EYS: variants seen among roughly 807,000 people sequenced by gnomAD.
The protein encoded by EYS is EGF-like photoreceptor maintenance factor.
Under a neutral mutation model 282.1 loss-of-function variants are expected in EYS, and 250 were observed. The observed-to-expected ratio is 0.89, with a 90% confidence interval of 0.80 to 0.98. The LOEUF (loss-of-function observed/expected upper bound fraction) is 0.98, where lower values mean the gene tolerates loss of function less well. EYS is among the 50% of genes least tolerant of loss of function. The pLI, the probability that EYS is intolerant of heterozygous loss-of-function variation, is 0.00. For synonymous variants in EYS, 1,355 were observed against 1,282.9 expected (o/e 1.06, Z -1.20); for missense variants, 4,016 against 3,709.0 (o/e 1.08, Z -2.15).
intron 39 of EYS, among the ~76,000 whole-genome samples, chr6:63,785,041 TCTAA>T (rs1334721976): frequency 1.3e-5 from 2 of 152,280 alleles, no homozygotes; most frequent in East Asian, 3.9e-4. Context: ...AATTTGCATC[TCTAA>T]CAAACTTCCC....
At chr6:64,791,052 T>C (rs1774175531) in intron 22 of EYS, among the ~76,000 whole-genome samples, 2 of 152,032 alleles carry the variant, frequency 1.3e-5, no homozygotes, top group South Asian at 4.1e-4. Flanking sequence ...TCTTTCTTCC[T>C]TCCTGTAGAT....
chr6:65,175,490 T>C (rs1467799504), intron 12 of EYS, among the ~76,000 whole-genome samples: 1 of 151,216 alleles, frequency 6.6e-6, no homozygotes, highest in Non-Finnish European at 1.5e-5. Flanking sequence ...GAAACCTTAC[T>C]GGAATAAGTG....
chr6:64,296,116 T>C (rs919920404), intron 30 of EYS, among the ~76,000 whole-genome samples: 1 of 152,174 alleles, frequency 6.6e-6, no homozygotes, highest in Admixed American at 6.5e-5. Context: ...AACTCACCTT[T>C]AACAATTTAT....
chr6:64,065,200 TTGATG>T (rs1421438654), intron 33 of EYS, among the ~76,000 whole-genome samples: 1 of 152,276 alleles, frequency 6.6e-6, no homozygotes, highest in East Asian at 1.9e-4. Flanking sequence ...GTCCATTTTG[TTGATG>T]TGATTTTCAG....
At chr6:65,676,087 C>T (rs1768576599) in intron 1 of EYS, among the ~76,000 whole-genome samples, 1 of 151,590 alleles carries the variant, frequency 6.6e-6, no homozygotes, top group South Asian at 2.1e-4. Flanking sequence ...AAAAGCAGCA[C>T]TAGGAAAGAA....
intron 1 of EYS, among the ~76,000 whole-genome samples, chr6:65,662,260 C>G (rs1768032828): frequency 6.6e-6 from 1 of 152,050 alleles, no homozygotes; most frequent in Non-Finnish European, 1.5e-5. Context: ...AGAGGTTTAT[C>G]TTCTACTCAA....
intron 28 of EYS, among the ~76,000 whole-genome samples, chr6:64,392,710 T>G: frequency 1.4e-5 from 2 of 146,062 alleles, no homozygotes; most frequent in East Asian, 2.1e-4. Flanking sequence ...ACATCACAAT[T>G]AAAATAACTA....
intron 1 of EYS, among the ~76,000 whole-genome samples, chr6:65,706,292 C>T (rs185634785): frequency 5.3e-5 from 8 of 151,496 alleles, no homozygotes; most frequent in Admixed American, 5.3e-4. Flanking sequence ...AGCAATGGTC[C>T]CTTATTTTAA....
chr6:64,271,392 T>A (rs895129163), intron 30 of EYS, among the ~76,000 whole-genome samples: 1 of 152,210 alleles, frequency 6.6e-6, no homozygotes, highest in African/African-American at 2.4e-5. Flanking sequence ...GTTACAAATA[T>A]GTCCTACCAA....
At chr6:65,223,253 A>G (rs1489034841) in intron 12 of EYS, among the ~76,000 whole-genome samples, 6 of 151,950 alleles carry the variant, frequency 3.9e-5, no homozygotes, top group Non-Finnish European at 8.8e-5. Flanking sequence ...TGTAATCCCA[A>G]CTACTCAGGA....
rs1054291900 is a variant in EYS at position 65,638,111 on chromosome 6, A to C, written c.-333+1667T>G. ...ATAAGCGCATATTTCCTCCCTTCTG[A>C]GCCCACTGAAACCCTGGACTCAGCC... is the stretch of plus-strand genomic sequence containing the variant. On this transcript the variant is annotated intron_variant, in intron 2 of 42. Coordinates refer to ENST00000503581, the MANE Select transcript of EYS (RefSeq NM_001142800.2). Among the ~76,000 whole-genome samples, 10 of 152,186 alleles carry C rather than the reference A, an allele frequency of 6.6e-5. 2 individuals carry two copies. Among genetic ancestry groups the C allele is most frequent in the Admixed American group, 5.2e-4 (8 of 15,294 alleles).
intron 2 of EYS, among the ~76,000 whole-genome samples, chr6:65,564,368 A>C (rs1000512431): frequency 2.6e-5 from 4 of 152,214 alleles, no homozygotes; most frequent in Admixed American, 2.6e-4. Flanking sequence ...CCCTGACTTC[A>C]AACTATCCTA....
intron 36 of EYS, among the ~76,000 whole-genome samples, chr6:63,830,609 T>A (rs9362127): frequency 6.6e-6 from 1 of 151,626 alleles, no homozygotes; most frequent in Non-Finnish European, 1.5e-5. Context: ...CTGAAAGTGA[T>A]GGGGAGAATG....
Position 64,312,795 on chromosome 6 carries a change from CT to C in EYS, c.6079-5714del, listed in dbSNP as rs530607899. Among the ~76,000 whole-genome samples the C allele has an allele frequency of 3.1e-3, 465 of 152,308 alleles. 2 individuals carry two copies. Among genetic ancestry groups the C allele is most frequent in the African/African-American group, 0.01 (432 of 41,580 alleles). On this transcript the variant is annotated intron_variant, in intron 29 of 42. Transcript: ENST00000503581. ...GCAGACCAGTAGCAGAGGGAACTGA[CT>C]GTTAGAAAGAAAACTAACAAACAGA... is the stretch of plus-strand genomic sequence containing the variant.
chr6:65,241,447 T>C (rs1351721896), intron 12 of EYS, among the ~76,000 whole-genome samples: 1 of 152,114 alleles, frequency 6.6e-6, no homozygotes, highest in Non-Finnish European at 1.5e-5. Context: ...ATTTCAGAGC[T>C]GGATGCATAA....
chr6:64,789,862 C>A (rs537555252), intron 22 of EYS, among the ~76,000 whole-genome samples: 1 of 147,724 alleles, frequency 6.8e-6, no homozygotes, highest in South Asian at 2.2e-4. Flanking sequence ...ACAAGGAAAG[C>A]GATGGGATTC....
chr6:64,305,309 A>C (rs1395599322), intron 30 of EYS, among the ~76,000 whole-genome samples: 1 of 152,030 alleles, frequency 6.6e-6, no homozygotes, highest in East Asian at 1.9e-4. Context: ...AATTGGAAAA[A>C]AGTGATATAC....
intron 35 of EYS, among the ~76,000 whole-genome samples, chr6:63,898,819 G>A (rs1192087287): frequency 2.0e-5 from 3 of 151,946 alleles, no homozygotes; most frequent in Non-Finnish European, 4.4e-5. Context: ...TAAATTAATA[G>A]CATTTTAAGT....
intron 26 of EYS, among the ~76,000 whole-genome samples, chr6:64,588,019 T>C (rs966876249): frequency 6.6e-6 from 1 of 152,026 alleles, no homozygotes; most frequent in African/African-American, 2.4e-5. Flanking sequence ...AATTTTAAGA[T>C]GGAGTCTGGA....
Sources: gnomAD v4.1 joint callset for allele counts (sites outside exome capture counted in the v4.1 genomes callset) on GRCh38, gnomAD v4.1.1 for gene constraint, MANE v1.5 for transcripts, NCBI Gene and HGNC (gene_info 2026-07-23, HGNC 2026-07-21) for gene names.